ZFP14: variants seen among roughly 807,000 people sequenced by gnomAD.
ZFP14 encodes the protein ZFP14 zinc finger protein.
Under a neutral mutation model 54.5 loss-of-function variants are expected in ZFP14, and 22 were observed. The ratio of observed to expected loss-of-function variants is 0.40; its 90% CI spans 0.29 to 0.58. ZFP14 has a LOEUF of 0.58. ZFP14 is among the 20% of genes least tolerant of loss of function. ZFP14 has a pLI of 0.39. For missense variants in ZFP14, 470 were observed against 637.8 expected (o/e 0.74, Z 2.83); for synonymous variants, 159 against 204.0 (o/e 0.78, Z 1.88).
chr19:36,351,207 A>G (rs1197879908), intron 4 of ZFP14, among the ~76,000 whole-genome samples: 2 of 144,178 alleles, frequency 1.4e-5, no homozygotes, highest in African/African-American at 2.5e-5. Context: ...ATTAAGATAC[A>G]TGACAACAGA....
rs909699167 is a variant in ZFP14 at position 36,337,612 on chromosome 19, G to C, written c.*2612C>G. 2 of 152,122 alleles carry C rather than the reference G, an allele frequency of 1.3e-5. No homozygotes were observed. The highest frequency in any genetic ancestry group is 4.8e-5 in the African/African-American group (2 of 41,406). The allele number at this position is 152,122 out of a possible 1,614,324, so 9.4% of individuals were successfully genotyped here. A position where few individuals can be genotyped will look rare whatever the true frequency, so the allele number is the denominator to read the frequency against. ...GCATCCTCAGATTTTACCATCAGTGGAGGATCCTGGAACCAATTCCCCATG... is the reference window on the plus strand; with the variant it reads ...GCATCCTCAGATTTTACCATCAGTGCAGGATCCTGGAACCAATTCCCCATG... On this transcript the variant is annotated 3_prime_UTR_variant, in exon 5 of 5. Coordinates refer to ENST00000270001, the MANE Select transcript of ZFP14 (RefSeq NM_020917.3).
chr19:36,377,762 T>G (rs529135134), intron 1 of ZFP14, among the ~76,000 whole-genome samples: 1 of 151,826 alleles, frequency 6.6e-6, no homozygotes, highest in East Asian at 2.0e-4. Context: ...AGGAGAATCC[T>G]GCTTGAACCC....
At chr19:36,360,325 G>C in intron 4 of ZFP14, 110 bp downstream of exon 4, 1 of 885,024 alleles carries the variant, frequency 1.1e-6, no homozygotes. Flanking sequence ...CCATAGGCCA[G>C]GGGCTTTTTG....
chr19:36,354,045 AGCCTG>A (rs2145550261), intron 4 of ZFP14, among the ~76,000 whole-genome samples: 1 of 126,726 alleles, frequency 7.9e-6, no homozygotes, highest in African/African-American at 2.9e-5. Context: ...ACTGCACTCC[AGCCTG>A]GGCAACAGAA....
rs1236936370 is a variant in ZFP14, at chr19:36,336,214, C to T, written c.*4010G>A. On this transcript the variant is annotated 3_prime_UTR_variant, in exon 5 of 5. Coordinates refer to ENST00000270001, the MANE Select transcript of ZFP14 (RefSeq NM_020917.3). ...ATATTCTCCATTCTCTTAATTTCTA[C>T]TTTCTACTGTTACTTGGCTGTTCCT... is the stretch of plus-strand genomic sequence containing the variant. 1 of 145,968 alleles carries T rather than the reference C, an allele frequency of 6.9e-6. No individual in the cohort carries two copies. Among genetic ancestry groups the T allele is most frequent in the Non-Finnish European group, 1.5e-5 (1 of 66,842 alleles). 9.0% of individuals were successfully genotyped at this position (145,968 alleles called of 1,614,324 possible).
intron 1 of ZFP14, among the ~76,000 whole-genome samples, chr19:36,368,219 A>G (rs1352243424): frequency 2.0e-5 from 3 of 152,196 alleles, no homozygotes; most frequent in Non-Finnish European, 4.4e-5. Flanking sequence ...CTGTAATCTC[A>G]GCACTTTGGG....
At chr19:36,363,138 TATC>T (rs1258385313) in intron 2 of ZFP14, among the ~76,000 whole-genome samples, 1 of 151,786 alleles carries the variant, frequency 6.6e-6, no homozygotes, top group African/African-American at 2.4e-5. Context: ...ATCATGAAGA[TATC>T]ATAAAGATAT....
At position 36,361,262 on chromosome 19, in the gene ZFP14, CAG is replaced by C. The variant is rs150329943; in HGVS notation, c.137-731_137-730del. Among the ~76,000 whole-genome samples, 1,279 of 152,230 alleles carry C rather than the reference CAG, an allele frequency of 8.4e-3. 21 individuals carry two copies. The highest frequency in any genetic ancestry group is 0.029 in the African/African-American group (1,223 of 41,534). On this transcript the variant is annotated intron_variant, in intron 3 of 4. Coordinates refer to ENST00000270001, the MANE Select transcript of ZFP14 (RefSeq NM_020917.3). Reference sequence around the variant, plus strand: ...GTTTCAGGGTTTTTTCTGTTTGAGACAGAGTCTCACTCTGTCACCCAGGCTGG... The same window carrying C: ...GTTTCAGGGTTTTTTCTGTTTGAGACAGTCTCACTCTGTCACCCAGGCTGG...
chr19:36,356,564 C>T (rs1232243361), intron 4 of ZFP14, among the ~76,000 whole-genome samples: 1 of 152,102 alleles, frequency 6.6e-6, no homozygotes, highest in African/African-American at 2.4e-5. Flanking sequence ...GCAAAACCAC[C>T]ACCAAAATCA....
intron 4 of ZFP14, among the ~76,000 whole-genome samples, chr19:36,345,970 A>G (rs878983419): frequency 6.6e-6 from 1 of 152,204 alleles, no homozygotes. Flanking sequence ...AATTTCATTA[A>G]TTAGATAACA....
At chr19:36,360,367 T>G in intron 4 of ZFP14, 68 bp downstream of exon 4, 2 of 1,390,878 alleles carry the variant, frequency 1.4e-6, no homozygotes, top group Non-Finnish European at 2.0e-6. Flanking sequence ...AGGGTGTGCC[T>G]CCACCCTAAT....
intron 4 of ZFP14, 31 bp downstream of exon 4, chr19:36,360,404 A>G: frequency 6.3e-7 from 1 of 1,598,866 alleles, no homozygotes; most frequent in South Asian, 1.1e-5. Context: ...TGCAGTAGTG[A>G]TTTCTCAATG....
intron 1 of ZFP14, among the ~76,000 whole-genome samples, chr19:36,377,126 GC>G (rs2031975256): frequency 6.6e-6 from 1 of 152,076 alleles, no homozygotes; most frequent in South Asian, 2.1e-4. Flanking sequence ...CTCCTTAAAA[GC>G]CTCAAAAGCA....
chr19:36,370,280 A>T (rs1215426238), intron 1 of ZFP14, among the ~76,000 whole-genome samples: 2 of 152,194 alleles, frequency 1.3e-5, no homozygotes, highest in Non-Finnish European at 2.9e-5. Flanking sequence ...ACTTGGGGAA[A>T]AGTCAGGGAA....
chr19:36,367,755 C>T (rs557198878), intron 2 of ZFP14, 129 bp downstream of exon 2: 44 of 1,095,630 alleles, frequency 4.0e-5, no homozygotes, highest in Non-Finnish European at 4.9e-5. Flanking sequence ...TGAGCCATTG[C>T]GTCCAGCCAT....
intron 1 of ZFP14, among the ~76,000 whole-genome samples, chr19:36,372,302 T>C (rs1241715611): frequency 6.7e-6 from 1 of 150,230 alleles, no homozygotes; most frequent in African/African-American, 2.4e-5. Context: ...TCAATAAAAT[T>C]AAGAGTTTTT....
intron 2 of ZFP14, among the ~76,000 whole-genome samples, chr19:36,365,880 A>T (rs1416914494): frequency 1.3e-5 from 2 of 150,986 alleles, no homozygotes; most frequent in African/African-American, 4.9e-5. Context: ...GGATCACCTG[A>T]GCCTGGGAGG....
chr19:36,356,162 C>T lies in ZFP14; in HGVS notation c.235+4273G>A, dbSNP rs1285602421. Among the ~76,000 whole-genome samples, 4 of 100,806 alleles carry T rather than the reference C, an allele frequency of 4.0e-5. 1 individual carries two copies. The highest frequency in any genetic ancestry group is 1.4e-4 in the African/African-American group (4 of 28,742). The allele number at this position is 100,806 out of a possible 152,430, so 66.1% of individuals were successfully genotyped here. A position where few individuals can be genotyped will look rare whatever the true frequency, so the allele number is the denominator to read the frequency against. On this transcript the variant is annotated intron_variant, in intron 4 of 4. Transcript: ENST00000270001. ...AACAAGAAATTAATGGGGCTGGGCG[C>T]AGTAGCTCATGCCTCTAATCCTAGC...
At chr19:36,366,375 A>C (rs36071098) in intron 2 of ZFP14, among the ~76,000 whole-genome samples, 1 of 151,808 alleles carries the variant, frequency 6.6e-6, no homozygotes, top group African/African-American at 2.4e-5. Flanking sequence ...CTGGAGTGCA[A>C]TGGTGCGATC....
Sources: allele counts gnomAD v4.1 joint callset (sites outside exome capture counted in the v4.1 genomes callset), GRCh38; gene constraint gnomAD v4.1.1; transcripts MANE v1.5; gene names NCBI Gene and HGNC (gene_info 2026-07-23, HGNC 2026-07-21).